The following ZFPM1 variants were observed in gnomAD, a reference collection of about 807,000 sequenced individuals.
The protein encoded by ZFPM1 is zinc finger protein ZFPM1.
A neutral mutation model predicts 46.3 loss-of-function variants in ZFPM1; 28 were observed. The observed-to-expected ratio is 0.60, with a 90% CI of 0.45 to 0.83. The LOEUF (loss-of-function observed/expected upper bound fraction) is 0.83, where lower values mean the gene tolerates loss of function less well. Ranked by LOEUF, ZFPM1 falls within the 40% of genes least tolerant of loss-of-function variation. ZFPM1 has a pLI of 0.00. For missense variants in ZFPM1, 1,878 were observed against 1,432.4 expected (o/e 1.31, Z -5.02); for synonymous variants, 957 against 675.9 (o/e 1.42, Z -6.45).
intron 1 of ZFPM1, among the ~76,000 whole-genome samples, chr16:88,461,417 G>T (rs1907885872): frequency 6.6e-6 from 1 of 152,162 alleles, no homozygotes; most frequent in Middle Eastern, 3.2e-3. Context: ...AGAGGGAGGT[G>T]ACCAGTCTGG....
chr16:88,525,133 G>A (rs1000251316), intron 4 of ZFPM1, among the ~76,000 whole-genome samples: 2 of 152,232 alleles, frequency 1.3e-5, no homozygotes, highest in Non-Finnish European at 2.9e-5. Flanking sequence ...TGGGCCAAGA[G>A]GCAGGGGTGG....
intron 1 of ZFPM1, among the ~76,000 whole-genome samples, chr16:88,484,418 C>T (rs975166642): frequency 6.6e-6 from 1 of 152,232 alleles, no homozygotes; most frequent in African/African-American, 2.4e-5. Flanking sequence ...TTCTGCCCCA[C>T]CCCCACTCTG....
At chr16:88,454,936 G>A (rs914549586) in intron 1 of ZFPM1, among the ~76,000 whole-genome samples, 1 of 152,182 alleles carries the variant, frequency 6.6e-6, no homozygotes, top group African/African-American at 2.4e-5. Flanking sequence ...CTACTCAGGA[G>A]GTCTCCCGAG....
chr16:88,476,199 G>A (rs186655332), intron 1 of ZFPM1, among the ~76,000 whole-genome samples: 2 of 152,042 alleles, frequency 1.3e-5, no homozygotes, highest in African/African-American at 4.8e-5. Flanking sequence ...AGACCCGAAG[G>A]CCCCTCGCGG....
chr16:88,481,795 T>TG (rs2142367069), intron 1 of ZFPM1, among the ~76,000 whole-genome samples: 1 of 152,186 alleles, frequency 6.6e-6, no homozygotes, highest in East Asian at 1.9e-4. Flanking sequence ...ACTACGTGGG[T>TG]GGGGGCGGTT....
intron 1 of ZFPM1, among the ~76,000 whole-genome samples, chr16:88,455,581 G>GGCC (rs1438858836): frequency 1.4e-4 from 20 of 144,772 alleles, no homozygotes; most frequent in African/African-American, 4.5e-4. Context: ...CCTGCGGCCG[G>GGCC]GCCGCGAGTG....
In ZFPM1 at chr16:88,460,559, C is replaced by T. The variant is rs534438312; in HGVS notation, c.40+6881C>T. On this transcript the variant is annotated intron_variant, in intron 1 of 9. Transcript: ENST00000319555. ...GTCTGGTCCTGCCCTCTGCCCAACA[C>T]CAGCCTTCATGTTTAGCACGTGGCA... Among the ~76,000 whole-genome samples, 5 of 152,336 alleles carry T rather than the reference C, an allele frequency of 3.3e-5. No individual in the cohort carries two copies. The East Asian group carries it at 9.7e-4, about 29-fold the overall frequency.
At chr16:88,501,330 G>T (rs1214968698) in intron 3 of ZFPM1, among the ~76,000 whole-genome samples, 2 of 122,976 alleles carry the variant, frequency 1.6e-5, no homozygotes, top group South Asian at 5.0e-4. Context: ...AGCAGACATG[G>T]GTGCGGGGCC....
At chr16:88,475,616 G>A (rs2142360203) in intron 1 of ZFPM1, among the ~76,000 whole-genome samples, 1 of 152,268 alleles carries the variant, frequency 6.6e-6, no homozygotes, top group South Asian at 2.1e-4. Context: ...GGACCCCAAG[G>A]ACAACGCCGG....
At chr16:88,523,327 G>A (rs1169951119) in intron 4 of ZFPM1, among the ~76,000 whole-genome samples, 1 of 152,180 alleles carries the variant, frequency 6.6e-6, no homozygotes, top group Admixed American at 6.5e-5. Flanking sequence ...ATCAGAGGTG[G>A]GGAAACAAGA....
rs1444538080 is a variant in ZFPM1 at position 88,534,672 on chromosome 16, C to A, written c.2714C>A (p.Ala905Asp). The A allele has an allele frequency of 1.2e-5, 12 of 994,232 alleles. No individual in the cohort carries two copies. Among genetic ancestry groups the A allele is most frequent in the Non-Finnish European group, 1.4e-5 (12 of 837,530 alleles). 61.6% of individuals were successfully genotyped at this position (994,232 alleles called of 1,614,324 possible). The change falls in exon 10 of 10, where the codon GCC becomes GAC. Residue 905 changes from alanine (A) to aspartate (D), a missense_variant. Transcript: ENST00000319555. Reference protein sequence around the residue: ...PADRGPSPAPAPAASPQPGSR... With the variant: ...PADRGPSPAPDPAASPQPGSR... The stretch of plus-strand genomic sequence containing the variant: ...GACCGCGGCCCCTCGCCCGCTCCCG[C>A]CCCCGCCGCCTCCCCGCAGCCCGGG...
intron 1 of ZFPM1, among the ~76,000 whole-genome samples, chr16:88,453,954 G>T (rs1046646670): frequency 6.6e-6 from 1 of 152,134 alleles, no homozygotes; most frequent in African/African-American, 2.4e-5. Flanking sequence ...GGGCAGCTCG[G>T]CCCCTCGCGG....
intron 1 of ZFPM1, among the ~76,000 whole-genome samples, chr16:88,476,865 C>T (rs549452944): frequency 6.6e-6 from 1 of 152,380 alleles, no homozygotes; most frequent in Admixed American, 6.5e-5. Flanking sequence ...TGGTCAGAAG[C>T]TAAGCCGGTG....
chr16:88,464,291 C>T (rs1202773173), intron 1 of ZFPM1, among the ~76,000 whole-genome samples: 1 of 152,216 alleles, frequency 6.6e-6, no homozygotes, highest in Non-Finnish European at 1.5e-5. Flanking sequence ...CCCCCAGGTG[C>T]CCCCAGGCTG....
rs1913029294 is a variant in ZFPM1 at position 88,533,917 on chromosome 16, G to A, written c.1959G>A (p.Thr653=). The A allele has an allele frequency of 8.6e-7, 1 of 1,167,210 alleles. No homozygotes were observed. Among genetic ancestry groups the A allele is most frequent in the Non-Finnish European group, 1.1e-6 (1 of 932,764 alleles). The allele number at this position is 1,167,210 out of a possible 1,614,324, so 72.3% of individuals were successfully genotyped here. A position where few individuals can be genotyped will look rare whatever the true frequency, so the allele number is the denominator to read the frequency against. ...AGGAGGGGGCTGGGGGCGCGGCCAC[G>A]CCCGAGGACGGCGCGGGCGGCCGGG... ...AREEGAGGAA[T]PEDGAGGRGS... Residue 653 remains threonine, a synonymous_variant, in exon 10 of 10, where the codon ACG becomes ACA. Coordinates refer to ENST00000319555, the MANE Select transcript of ZFPM1 (RefSeq NM_153813.3).
chr16:88,512,140 C>T (rs942111545), intron 3 of ZFPM1, among the ~76,000 whole-genome samples: 2 of 152,234 alleles, frequency 1.3e-5, no homozygotes, highest in African/African-American at 2.4e-5. Flanking sequence ...GAGGCTTGGC[C>T]GGCTGGCCCT....
chr16:88,533,631 CG>C lies in ZFPM1; in HGVS notation c.1676del (p.Gly559AlafsTer239). 1 of 1,459,816 alleles carries C rather than the reference CG, an allele frequency of 6.9e-7. No homozygotes were observed. The highest frequency in any genetic ancestry group is 9.1e-7 in the Non-Finnish European group (1 of 1,104,818). The allele number at this position is 1,459,816 out of a possible 1,614,324, so 90.4% of individuals were successfully genotyped here. ...GTGCACAGCCGGCTGCAGCAGGGCG[CG>C]GGCGCGGGCGCCGGCGGCGCGCAGA... ...ELVHSRLQQG[A>X]GAGAGGAQTG... On this transcript the variant is annotated frameshift_variant, in exon 10 of 10. Transcript: ENST00000319555. LOFTEE classifies it low-confidence loss of function (END_TRUNC).
Position 88,535,129 on chromosome 16 carries a change from C to T in ZFPM1, c.*150C>T, listed in dbSNP as rs1348273748. The T allele has an allele frequency of 4.1e-6, 4 of 963,932 alleles. No homozygotes were observed. Among genetic ancestry groups the T allele is most frequent in the Non-Finnish European group, 1.4e-6 (1 of 730,974 alleles). The allele number at this position is 963,932 out of a possible 1,614,324, so 59.7% of individuals were successfully genotyped here. A position where few individuals can be genotyped will look rare whatever the true frequency, so the allele number is the denominator to read the frequency against. Reference sequence around the variant, plus strand: ...CCGCAGGGGGCAGCGCCCGCCTGGACCCTTGGCACTTAATAAAGAAGTTCA... The same window carrying T: ...CCGCAGGGGGCAGCGCCCGCCTGGATCCTTGGCACTTAATAAAGAAGTTCA... On this transcript the variant is annotated 3_prime_UTR_variant, in exon 10 of 10. Coordinates refer to ENST00000319555, the MANE Select transcript of ZFPM1 (RefSeq NM_153813.3).
chr16:88,462,949 C>T (rs1392991225), intron 1 of ZFPM1, among the ~76,000 whole-genome samples: 2 of 152,144 alleles, frequency 1.3e-5, no homozygotes, highest in African/African-American at 4.8e-5. Flanking sequence ...ACAAAATCCA[C>T]ACAAACAGGG....
Sources: allele counts gnomAD v4.1 joint callset (sites outside exome capture counted in the v4.1 genomes callset), GRCh38; gene constraint gnomAD v4.1.1; transcripts MANE v1.5; gene names NCBI Gene and HGNC (gene_info 2026-07-23, HGNC 2026-07-21).